The following GLE1 variants were observed in gnomAD, a reference collection of about 807,000 sequenced individuals.
GLE1 encodes the protein GLE1 RNA export mediator.
A neutral mutation model predicts 97.3 loss-of-function variants in GLE1; 78 were observed. The observed-to-expected ratio is 0.80, with a 90% confidence interval of 0.67 to 0.97. The LOEUF (loss-of-function observed/expected upper bound fraction) is 0.97, where lower values mean the gene tolerates loss of function less well. Ranked by LOEUF, GLE1 falls within the 50% of genes least tolerant of loss-of-function variation. GLE1 has a pLI of 0.00. For synonymous variants in GLE1, 302 were observed against 313.4 expected (o/e 0.96, Z 0.39); for missense variants, 753 against 857.5 (o/e 0.88, Z 1.52).
At chr9:128,536,220 G>A in intron 11 of GLE1, 135 bp from the exon 12 acceptor site, 1 of 645,066 alleles carries the variant, frequency 1.6e-6, no homozygotes, top group South Asian at 1.5e-5. Context: ...TTTTAGTAGA[G>A]ATGGGGTTTC....
At chr9:128,519,745 TCA>T (rs1238761229) in intron 3 of GLE1, among the ~76,000 whole-genome samples, 5 of 152,204 alleles carry the variant, frequency 3.3e-5, no homozygotes, top group African/African-American at 1.2e-4. Flanking sequence ...TGTGTGTGAC[TCA>T]CACCCTATTC....
At chr9:128,528,596 C>G (rs1195620765) in intron 9 of GLE1, among the ~76,000 whole-genome samples, 1 of 152,164 alleles carries the variant, frequency 6.6e-6, no homozygotes, top group Non-Finnish European at 1.5e-5. Flanking sequence ...AGTCACTGCA[C>G]CCGGCCTTTT....
chr9:128,526,657 C>CGTTTTTT (rs752657037), intron 7 of GLE1, among the ~76,000 whole-genome samples: 7 of 150,986 alleles, frequency 4.6e-5, no homozygotes, highest in Non-Finnish European at 1.0e-4. Flanking sequence ...CTGCGCCCAG[C>CGTTTTTT]GTTTTTTGTT....
chr9:128,518,345 G>C (rs1847044829), intron 3 of GLE1, among the ~76,000 whole-genome samples: 1 of 152,118 alleles, frequency 6.6e-6, no homozygotes, highest in South Asian at 2.1e-4. Context: ...CAGATCACTT[G>C]AGGTCAGGAG....
chr9:128,535,067 T>G (rs964361980), intron 11 of GLE1, among the ~76,000 whole-genome samples: 2 of 152,022 alleles, frequency 1.3e-5, no homozygotes, highest in Non-Finnish European at 2.9e-5. Context: ...ATTGTTATTT[T>G]TTAGCCATAA....
chr9:128,508,699 GT>G (rs1846712488), intron 1 of GLE1, among the ~76,000 whole-genome samples, 176 bp from the exon 2 acceptor site: 2 of 152,158 alleles, frequency 1.3e-5, no homozygotes, highest in Admixed American at 1.3e-4. Flanking sequence ...AAGGATAGTA[GT>G]CTAGGTCATT....
rs1174714807 is a variant in GLE1 at position 128,523,833 on chromosome 9, G to A, written c.884G>A (p.Arg295Gln). The A allele has an allele frequency of 2.5e-6, 4 of 1,613,884 alleles. No individual in the cohort carries two copies. Among genetic ancestry groups the A allele is most frequent in the Admixed American group, 3.3e-5 (2 of 59,984 alleles). ...QLCSLISGIIRASSESSYPTA... is the reference protein window; with the variant it reads ...QLCSLISGIIQASSESSYPTA... ...TGCAGCCTCATCTCAGGGATCATCC[G>A]GGCCTCTTCAGAGGTGAGGGGGGCT... is the stretch of plus-strand genomic sequence containing the variant. The change falls in exon 6 of 16, where the codon CGG (arginine) becomes CAG (glutamine). Residue 295 changes from arginine (R) to glutamine (Q), a missense_variant. Coordinates refer to ENST00000309971, the MANE Select transcript of GLE1 (RefSeq NM_001003722.2).
chr9:128,541,273 C>T lies in GLE1; in HGVS notation c.*103C>T, dbSNP rs1289580804. 6.2e-6 allele frequency: 5 copies of T among 803,080 alleles called. No individual in the cohort carries two copies. Among genetic ancestry groups the T allele is most frequent in the Non-Finnish European group, 6.7e-6 (3 of 446,648 alleles). The allele number at this position is 803,080 out of a possible 1,614,324, so 49.7% of individuals were successfully genotyped here. A position where few individuals can be genotyped will look rare whatever the true frequency, so the allele number is the denominator to read the frequency against. On this transcript the variant is annotated 3_prime_UTR_variant, in exon 16 of 16. Transcript: ENST00000309971. ...AAGTCATGTCAGATTCAGAAATTTGCCATTATGTATTTTTATGTATTTATG... is the reference window on the plus strand; with the variant it reads ...AAGTCATGTCAGATTCAGAAATTTGTCATTATGTATTTTTATGTATTTATG...
At chr9:128,514,216 G>A (rs947646746) in intron 2 of GLE1, among the ~76,000 whole-genome samples, 3 of 151,010 alleles carry the variant, frequency 2.0e-5, no homozygotes, top group Admixed American at 2.0e-4. Flanking sequence ...GCGTGCGCCA[G>A]TGGTCCCAGC....
At chr9:128,537,765 G>A (rs1291411841) in intron 12 of GLE1, among the ~76,000 whole-genome samples, 1 of 152,120 alleles carries the variant, frequency 6.6e-6, no homozygotes, top group African/African-American at 2.4e-5. Flanking sequence ...ATCCATGATC[G>A]CACTATAGCA....
chr9:128,514,839 T>C (rs1846933902), intron 2 of GLE1, among the ~76,000 whole-genome samples: 1 of 151,340 alleles, frequency 6.6e-6, no homozygotes, highest in African/African-American at 2.4e-5. Context: ...TTTTTTGAGA[T>C]GGAGTCTTGC....
Position 128,541,604 on chromosome 9 carries a change from C to G in GLE1, c.*434C>G, listed in dbSNP as rs1314130790. ...GAAAGAGCTAAGGCTCATAAGGTTC[C>G]CTTTTAAGTATTATTTAATAGTTGA... On this transcript the variant is annotated 3_prime_UTR_variant, in exon 16 of 16. Coordinates refer to ENST00000309971, the MANE Select transcript of GLE1 (RefSeq NM_001003722.2). The G allele has an allele frequency of 1.1e-5, 2 of 184,634 alleles. No homozygotes were observed. Among genetic ancestry groups the G allele is most frequent in the East Asian group, 2.8e-4 (2 of 7,174 alleles). The allele number at this position is 184,634 out of a possible 1,614,324, so 11.4% of individuals were successfully genotyped here.
At position 128,515,558 on chromosome 9, in the gene GLE1, T is replaced by A. The variant is rs1271736202; in HGVS notation, c.351T>A (p.Ser117=). ...AAGATGAGTCCCAGCACACAGAATC[T>A]ATGGTACTTCAGTCCTCACGGGGGA... ...KGKDESQHTE[S]MVLQSSRGIK... The change falls in exon 3 of 16, where the codon TCT becomes TCA. Residue 117 remains serine, a synonymous_variant. Transcript: ENST00000309971. The A allele has an allele frequency of 1.9e-6, 3 of 1,602,766 alleles. No homozygotes were observed. The highest frequency in any genetic ancestry group is 2.6e-6 in the Non-Finnish European group (3 of 1,169,746).
intron 14 of GLE1, chr9:128,539,919 A>G (rs1827604565): frequency 7.4e-7 from 1 of 1,346,646 alleles, no homozygotes; most frequent in African/African-American, 1.5e-5. Flanking sequence ...CAAAAACACA[A>G]ATTAGGGGCT....
intron 1 of GLE1, among the ~76,000 whole-genome samples, chr9:128,506,533 T>A (rs1846645412): frequency 6.6e-6 from 1 of 152,202 alleles, no homozygotes; most frequent in African/African-American, 2.4e-5. Flanking sequence ...GGTGCAAGTT[T>A]CCCTGTCTTA....
intron 3 of GLE1, among the ~76,000 whole-genome samples, chr9:128,517,727 A>AT (rs1440909774): frequency 6.6e-6 from 1 of 151,980 alleles, no homozygotes; most frequent in Non-Finnish European, 1.5e-5. Context: ...TTTCTAGAAG[A>AT]TTTCTATATT....
intron 1 of GLE1, 107 bp from the exon 2 acceptor site, chr9:128,508,769 T>C (rs1846714175): frequency 1.3e-6 from 1 of 750,456 alleles, no homozygotes; most frequent in Non-Finnish European, 2.4e-6. Flanking sequence ...TTTGGGTCTT[T>C]GATGTTTATT....
chr9:128,535,101 A>T (rs903647163), intron 11 of GLE1, among the ~76,000 whole-genome samples: 10 of 152,192 alleles, frequency 6.6e-5, no homozygotes, highest in Non-Finnish European at 1.5e-4. Flanking sequence ...GGCCAGGTGC[A>T]GTGCCTCATG....
chr9:128,539,906 A>C (rs1847836406), intron 14 of GLE1: 1 of 1,422,240 alleles, frequency 7.0e-7, no homozygotes, highest in African/African-American at 1.4e-5. Flanking sequence ...ATCATTGCCC[A>C]AACAAAAACA....
Sources: allele counts gnomAD v4.1 joint callset (sites outside exome capture counted in the v4.1 genomes callset), GRCh38; gene constraint gnomAD v4.1.1; transcripts MANE v1.5; gene names NCBI Gene and HGNC (gene_info 2026-07-23, HGNC 2026-07-21).